Variants in DHODH observed in about 807,000 individuals in gnomAD.
DHODH encodes dihydroorotate dehydrogenase (quinone).
In DHODH, 30 loss-of-function variants were observed where a neutral mutation model predicts 39.7. The observed-to-expected ratio is 0.76, with a 90% CI of 0.57 to 1.02. The LOEUF (loss-of-function observed/expected upper bound fraction) is 1.02. Among genes scored for constraint, DHODH ranks in the 50% least tolerant of loss-of-function variants. The pLI, the probability that DHODH is intolerant of heterozygous loss-of-function variation, is 0.00. For synonymous variants in DHODH, 222 were observed against 213.8 expected, an observed-to-expected ratio of 1.04 and a Z score of -0.34; for missense variants, 531 against 520.8, an observed-to-expected ratio of 1.02 and a Z score of -0.19.
intron 1 of DHODH, among the ~76,000 whole-genome samples, chr16:72,009,569 G>C (rs534155105): frequency 1.3e-5 from 2 of 151,782 alleles, no homozygotes; most frequent in African/African-American, 2.4e-5. Context: ...TGACATGGTG[G>C]GGGGGAGTAC....
intron 2 of DHODH, among the ~76,000 whole-genome samples, chr16:72,014,041 G>A (rs1022844987): frequency 1.3e-5 from 2 of 152,150 alleles, no homozygotes; most frequent in Non-Finnish European, 1.5e-5. Context: ...CTGATTAAAG[G>A]GTTTTGCTGC....
chr16:72,025,991 T>C lies in DHODH; in HGVS notation c.*1792T>C, dbSNP rs2041272958. 2 of 152,282 alleles carry C rather than the reference T, an allele frequency of 1.3e-5. No individual in the cohort carries two copies. Among genetic ancestry groups the C allele is most frequent in the African/African-American group, 4.8e-5 (2 of 41,466 alleles). 9.4% of individuals were successfully genotyped at this position (152,282 alleles called of 1,614,324 possible). A position where few individuals can be genotyped will look rare whatever the true frequency, so the allele number is the denominator to read the frequency against. On this transcript the variant is annotated 3_prime_UTR_variant, in exon 9 of 9. Coordinates refer to ENST00000219240, the MANE Select transcript of DHODH (RefSeq NM_001361.5). ...CATGTTGTGCTGAATGGCTCTGCCA[T>C]GGACCAAGCCTTGGCTGCTCTAAAA...
chr16:72,016,539 C>G (rs879741082), intron 3 of DHODH: 8 of 246,088 alleles, frequency 3.3e-5, no homozygotes, highest in African/African-American at 1.1e-4. Flanking sequence ...GGGGCCAAAG[C>G]TCTGTATGAA....
rs187604825 is a variant in DHODH, at chr16:72,023,156, G to A, written c.820-9G>A. 149 of 1,613,990 alleles carry A rather than the reference G, an allele frequency of 9.2e-5. 1 individual carries two copies. Among genetic ancestry groups the A allele is most frequent in the East Asian group, 1.8e-4 (8 of 44,876 alleles). ...TGACTCATGGCTTTTTCTCTATCTC[G>A]CACTGCAGTTGGGCATCGATGGGCT... is the stretch of plus-strand genomic sequence containing the variant. On this transcript the variant is annotated splice_polypyrimidine_tract_variant and intron_variant, in intron 6 of 8. Transcript: ENST00000219240.
rs937682107 is a variant in DHODH, at chr16:72,008,818, G to T, written c.21+33G>T. On this transcript the variant is annotated intron_variant, in intron 1 of 8. Transcript: ENST00000219240. Reference sequence around the variant, plus strand: ...CCGCGAGTGAGCAGTGTGGATGGGGGACCAGGGACCGGGGAGGGCGAGAAC... The same window carrying T: ...CCGCGAGTGAGCAGTGTGGATGGGGTACCAGGGACCGGGGAGGGCGAGAAC... 3.9e-6 allele frequency: 6 copies of T among 1,552,304 alleles called. No homozygotes were observed. In the African/African-American group the frequency reaches 8.2e-5, roughly 21 times the overall value.
At chr16:72,016,585 C>T in intron 3 of DHODH, 1 of 285,638 alleles carries the variant, frequency 3.5e-6, no homozygotes, top group South Asian at 3.7e-5. Flanking sequence ...CAGCTGCGAG[C>T]TCTGTGCAGG....
intron 3 of DHODH, chr16:72,016,264 G>T (rs2041140647): frequency 6.5e-6 from 1 of 153,300 alleles, no homozygotes; most frequent in Admixed American, 6.5e-5. Flanking sequence ...TGGGAAAGGA[G>T]TCATTAGCAT....
At chr16:72,021,828 T>C (rs1448202903) in intron 5 of DHODH, among the ~76,000 whole-genome samples, 2 of 152,076 alleles carry the variant, frequency 1.3e-5, no homozygotes, top group Non-Finnish European at 2.9e-5. Flanking sequence ...CCAGGCACAG[T>C]GGCTCAAGCC....
intron 4 of DHODH, 132 bp downstream of exon 4, chr16:72,017,238 C>A: frequency 1.1e-6 from 1 of 905,002 alleles, no homozygotes; most frequent in Non-Finnish European, 1.8e-6. Context: ...CAGGACACCT[C>A]TCCTAGAGCG....
chr16:72,021,920 C>T (rs1034755710), intron 5 of DHODH, among the ~76,000 whole-genome samples: 11 of 151,998 alleles, frequency 7.2e-5, no homozygotes, highest in African/African-American at 2.4e-4. Context: ...TTGGCAAAAC[C>T]CCATCTTACA....
chr16:72,008,831 G>A, intron 1 of DHODH, 46 bp downstream of exon 1: 2 of 1,552,310 alleles, frequency 1.3e-6, no homozygotes, highest in Non-Finnish European at 1.7e-6. Context: ...CAGGGACCGG[G>A]GAGGGCGAGA....
intron 3 of DHODH, 133 bp from the exon 4 acceptor site, chr16:72,016,891 G>A: frequency 1.3e-6 from 1 of 776,856 alleles, no homozygotes; most frequent in Non-Finnish European, 2.2e-6. Flanking sequence ...GAGTCCCAGT[G>A]GTGTTTAGAC....
intron 3 of DHODH, 46 bp downstream of exon 3, chr16:72,014,718 T>TG (rs2041121644): frequency 6.3e-7 from 1 of 1,586,624 alleles, no homozygotes; most frequent in Non-Finnish European, 8.6e-7. Context: ...TCTTTCCAGC[T>TG]GGGGGCGTTC....
Position 72,025,404 on chromosome 16 carries a change from A to T in DHODH, c.*1205A>T, listed in dbSNP as rs2041268235. 1 of 152,206 alleles carries T rather than the reference A, an allele frequency of 6.6e-6. No individual in the cohort carries two copies. Among genetic ancestry groups the T allele is most frequent in the Non-Finnish European group, 1.5e-5 (1 of 68,040 alleles). The allele number at this position is 152,206 out of a possible 1,614,324, so 9.4% of individuals were successfully genotyped here. A position where few individuals can be genotyped will look rare whatever the true frequency, so the allele number is the denominator to read the frequency against. Reference sequence around the variant, plus strand: ...ACAAATGACATCATCCCACAAATAGAATTCTGCCATTTACTTTCTTCACTA... The same window carrying T: ...ACAAATGACATCATCCCACAAATAGTATTCTGCCATTTACTTTCTTCACTA... On this transcript the variant is annotated 3_prime_UTR_variant, in exon 9 of 9. Coordinates refer to ENST00000219240, the MANE Select transcript of DHODH (RefSeq NM_001361.5).
chr16:72,020,298 C>T (rs1374379444), intron 4 of DHODH: 4 of 134,070 alleles, frequency 3.0e-5, no homozygotes, highest in Non-Finnish European at 6.2e-5. Context: ...AAAACATTTT[C>T]CAGTATATAT....
At position 72,023,725 on chromosome 16, in the gene DHODH, A is replaced by T; in HGVS notation, c.1133+92A>T. ...ACGAGATACTGTTGATCTGTTTCTT[A>T]TTCATTCAAAAAGGAGTTGAGGGGT... On this transcript the variant is annotated intron_variant, in intron 8 of 8. Transcript: ENST00000219240. 7.6e-6 allele frequency: 12 copies of T among 1,570,888 alleles called. No individual in the cohort carries two copies. In the Admixed American group the frequency reaches 1.5e-4, roughly 20 times the overall value.
intron 1 of DHODH, 45 bp downstream of exon 1, chr16:72,008,830 G>A (rs1332101652): frequency 3.2e-6 from 5 of 1,552,328 alleles, no homozygotes; most frequent in Non-Finnish European, 4.4e-6. Context: ...CCAGGGACCG[G>A]GGAGGGCGAG....
At position 72,023,557 on chromosome 16, in the gene DHODH, C is replaced by G. The variant is rs764238844; in HGVS notation, c.1057C>G (p.Gln353Glu). The G allele has an allele frequency of 3.7e-6, 6 of 1,614,016 alleles. No homozygotes were observed. The East Asian group carries it at 1.3e-4, about 36-fold the overall frequency. ...EKIRAGASLV[Q>E]LYTALTFWGP... ...GATCCGGGCAGGGGCCTCCCTGGTG[C>G]AGCTGTACACGGCCCTCACCTTCTG... Residue 353 changes from glutamine (Q) to glutamate (E), a missense_variant, in exon 8 of 9, where the codon CAG (glutamine) becomes GAG (glutamate). Gln to Glu is a conservative substitution (Grantham distance 29, BLOSUM62 2). Coordinates refer to ENST00000219240, the MANE Select transcript of DHODH (RefSeq NM_001361.5).
At chr16:72,009,569 G>T (rs534155105) in intron 1 of DHODH, among the ~76,000 whole-genome samples, 16 of 151,782 alleles carry the variant, frequency 1.1e-4, no homozygotes, top group Non-Finnish European at 2.4e-4. Flanking sequence ...TGACATGGTG[G>T]GGGGGAGTAC....
Sources: allele counts gnomAD v4.1 joint callset (sites outside exome capture counted in the v4.1 genomes callset), GRCh38; gene constraint gnomAD v4.1.1; transcripts MANE v1.5; gene names NCBI Gene and HGNC (gene_info 2026-07-23, HGNC 2026-07-21).